The following ADORA2B variants were observed in gnomAD, a reference collection of about 807,000 sequenced individuals.
ADORA2B encodes the protein adenosine receptor A2b.
A neutral mutation model predicts 20.8 loss-of-function variants in ADORA2B; 18 were observed. The ratio of observed to expected loss-of-function variants is 0.87; its 90% CI spans 0.60 to 1.29. The LOEUF is 1.29. Among genes scored for constraint, ADORA2B ranks in the 50% most tolerant of loss-of-function variants. ADORA2B has a pLI of 0.00. For missense variants in ADORA2B, 441 were observed against 422.7 expected, an observed-to-expected ratio of 1.04 and a Z score of -0.38; for synonymous variants, 179 against 178.3, an observed-to-expected ratio of 1.00 and a Z score of -0.03.
the ADORA2B span, among the ~76,000 whole-genome samples, chr17:15,923,197 CTTTTTTTAA>C: frequency 6.6e-5 from 6 of 90,334 alleles, no homozygotes; most frequent in Non-Finnish European, 1.1e-4. Flanking sequence ...TAATTTCTTT[CTTTTTTTAA>C]TTTTTTTTTT....
the ADORA2B span, among the ~76,000 whole-genome samples, chr17:15,865,914 C>T: frequency 6.7e-6 from 1 of 149,292 alleles, no homozygotes; most frequent in East Asian, 2.0e-4. Context: ...CTCCCCTGTA[C>T]AGAGACAGAG....
chr17:15,944,630 G>T (rs575749589), upstream of ADORA2B, among the ~76,000 whole-genome samples: 9 of 152,210 alleles, frequency 5.9e-5, no homozygotes, highest in South Asian at 2.1e-4. The surrounding 1 kb of genome is among the most constrained non-coding windows in gnomAD (Gnocchi z 4.8). Flanking sequence ...GACAGCTCCG[G>T]TGGTGCTGCG....
the ADORA2B span, among the ~76,000 whole-genome samples, chr17:15,867,060 G>A: frequency 4.6e-5 from 7 of 152,260 alleles, no homozygotes; most frequent in African/African-American, 1.4e-4. Flanking sequence ...GTGCCGGGAT[G>A]GCAGACGGAG....
At chr17:15,956,487 T>A (rs1969967450) in intron 1 of ADORA2B, among the ~76,000 whole-genome samples, 1 of 152,190 alleles carries the variant, frequency 6.6e-6, no homozygotes, top group Non-Finnish European at 1.5e-5. Context: ...GTTCCATGGT[T>A]CATGCTGATG....
the ADORA2B span, among the ~76,000 whole-genome samples, chr17:15,907,254 T>C: frequency 1.3e-5 from 2 of 152,038 alleles, no homozygotes; most frequent in Non-Finnish European, 2.9e-5. Context: ...CTGCGTGGAA[T>C]GTTTCACTCC....
the ADORA2B span, among the ~76,000 whole-genome samples, chr17:15,903,685 G>A: frequency 3.9e-5 from 6 of 152,104 alleles, no homozygotes; most frequent in African/African-American, 1.4e-4. Context: ...AAGAATTTGT[G>A]TCCACATTAC....
chr17:15,880,210 C>T, the ADORA2B span, among the ~76,000 whole-genome samples: 3 of 139,166 alleles, frequency 2.2e-5, no homozygotes, highest in South Asian at 6.8e-4. Context: ...GTGTTGAAGT[C>T]TCTTCCTCTG....
In ADORA2B at chr17:15,964,929, G is replaced by A. The variant is rs551689525; in HGVS notation, c.336-9750G>A. ...ACAAAAAATTAGCCCGTGTGGCAGCGGGTGCCTGTAGTCCCAGCTACTCAG... is the reference window on the plus strand; with the variant it reads ...ACAAAAAATTAGCCCGTGTGGCAGCAGGTGCCTGTAGTCCCAGCTACTCAG... On this transcript the variant is annotated intron_variant, in intron 1 of 1. Coordinates refer to ENST00000304222, the MANE Select transcript of ADORA2B (RefSeq NM_000676.4). 5.3e-5 allele frequency among the ~76,000 whole-genome samples: 8 copies of A among 151,570 alleles called. No individual in the cohort carries two copies. The East Asian group carries it at 6.0e-4, about 11-fold the overall frequency.
the ADORA2B span, among the ~76,000 whole-genome samples, chr17:15,882,405 T>G: frequency 6.6e-6 from 1 of 152,212 alleles, no homozygotes; most frequent in Non-Finnish European, 1.5e-5. Flanking sequence ...TTTTAGAGAC[T>G]GCACTGGACT....
chr17:15,891,180 C>T, the ADORA2B span, among the ~76,000 whole-genome samples: 1,019 of 152,258 alleles, frequency 6.7e-3, 7 homozygotes, highest in Non-Finnish European at 0.011. Context: ...GCAGGAGAAT[C>T]GCTTGAACCT....
chr17:15,914,193 G>C, the ADORA2B span, among the ~76,000 whole-genome samples: 1 of 152,082 alleles, frequency 6.6e-6, no homozygotes, highest in African/African-American at 2.4e-5. Flanking sequence ...GAAAAAATAA[G>C]GTTAATTCAA....
chr17:15,901,505 T>C, the ADORA2B span, among the ~76,000 whole-genome samples: 1 of 152,034 alleles, frequency 6.6e-6, no homozygotes, highest in African/African-American at 2.4e-5. Flanking sequence ...GCTGATTACA[T>C]GAAAAGCACT....
intron 1 of ADORA2B, among the ~76,000 whole-genome samples, chr17:15,956,539 C>T (rs976102276): frequency 3.8e-4 from 57 of 151,228 alleles, no homozygotes; most frequent in African/African-American, 1.3e-3. Context: ...TAAAAATCTC[C>T]GGTTTGCTGA....
rs189990696 is a variant in ADORA2B at position 15,964,523 on chromosome 17, C to T, written c.336-10156C>T. 1.8e-4 allele frequency among the ~76,000 whole-genome samples: 27 copies of T among 149,278 alleles called. No homozygotes were observed. In the East Asian group the frequency reaches 4.2e-3, roughly 23 times the overall value. On this transcript the variant is annotated intron_variant, in intron 1 of 1. Coordinates refer to ENST00000304222, the MANE Select transcript of ADORA2B (RefSeq NM_000676.4). The stretch of plus-strand genomic sequence containing the variant: ...ACTCAGGAGGCTGAGGCAGGAGAAT[C>T]GCTTGAACCTGGGAGGTGGAGGTTG...
chr17:15,872,192 A>G, the ADORA2B span, among the ~76,000 whole-genome samples: 4 of 152,164 alleles, frequency 2.6e-5, no homozygotes, highest in Non-Finnish European at 4.4e-5. Flanking sequence ...AATGTTCTGG[A>G]CTAGTGATGG....
At chr17:15,886,568 C>G in the ADORA2B span, among the ~76,000 whole-genome samples, 1 of 130,276 alleles carries the variant, frequency 7.7e-6, no homozygotes, top group Non-Finnish European at 1.6e-5. Context: ...GACTGCCAGT[C>G]CACTGACCGT....
chr17:15,956,029 G>A (rs1190393148), intron 1 of ADORA2B, among the ~76,000 whole-genome samples: 1 of 152,120 alleles, frequency 6.6e-6, no homozygotes, highest in East Asian at 1.9e-4. Context: ...TTCTTAATAG[G>A]CAGATGGGGA....
the ADORA2B span, among the ~76,000 whole-genome samples, chr17:15,885,727 A>C: frequency 1.3e-5 from 2 of 149,388 alleles, no homozygotes; most frequent in Non-Finnish European, 1.5e-5. Context: ...AAAAAAAAAC[A>C]AAAAAAAACC....
chr17:15,879,683 G>A, the ADORA2B span, among the ~76,000 whole-genome samples: 3 of 148,562 alleles, frequency 2.0e-5, no homozygotes, highest in African/African-American at 2.6e-5. Context: ...GACTACAGGC[G>A]CCCACCACCA....
Sources: allele counts gnomAD v4.1 joint callset (sites outside exome capture counted in the v4.1 genomes callset), GRCh38; gene constraint gnomAD v4.1.1; non-coding constraint Gnocchi (gnomAD v3.1); transcripts MANE v1.5; gene names NCBI Gene and HGNC (gene_info 2026-07-23, HGNC 2026-07-21).